FSTL4: variants seen among roughly 807,000 people sequenced by gnomAD.
The protein encoded by FSTL4 is follistatin-related protein 4.
FSTL4 carries 28 observed loss-of-function variants against 78.2 expected under a neutral mutation model. The observed-to-expected ratio is 0.36, with a 90% confidence interval of 0.27 to 0.49. FSTL4 has a LOEUF of 0.49. FSTL4 is among the 20% of genes least tolerant of loss of function. FSTL4 has a pLI of 0.98. For missense variants in FSTL4, 922 were observed against 1,084.9 expected, an observed-to-expected ratio of 0.85 and a Z score of 2.11; for synonymous variants, 422 against 440.5, an observed-to-expected ratio of 0.96 and a Z score of 0.53.
At chr5:133,806,672 G>T in the FSTL4 span, among the ~76,000 whole-genome samples, 1 of 152,226 alleles carries the variant, frequency 6.6e-6, no homozygotes, top group African/African-American at 2.4e-5. Context: ...TCGGCCCAGA[G>T]CTGAGCGGAT....
rs116007561 is a variant in FSTL4, at chr5:133,363,629, C to T, written c.409+37109G>A. Among the ~76,000 whole-genome samples, 438 of 152,278 alleles carry T rather than the reference C, an allele frequency of 2.9e-3. 1 individual carries two copies. The highest frequency in any genetic ancestry group is 7.8e-3 in the African/African-American group (322 of 41,548). On this transcript the variant is annotated intron_variant, in intron 4 of 15. Coordinates refer to ENST00000265342, the MANE Select transcript of FSTL4 (RefSeq NM_015082.2). ...CCTTAAAAATAACATTTAGCATCCA[C>T]GTGGGAGGCCAACAAGGCTGCTCCT...
chr5:133,776,945 T>G, the FSTL4 span, among the ~76,000 whole-genome samples: 1 of 152,144 alleles, frequency 6.6e-6, no homozygotes, highest in African/African-American at 2.4e-5. Flanking sequence ...TACCCCTTTG[T>G]GCCTAAATGA....
chr5:133,765,629 C>T, the FSTL4 span, among the ~76,000 whole-genome samples: 1 of 152,106 alleles, frequency 6.6e-6, no homozygotes, highest in African/African-American at 2.4e-5. Flanking sequence ...CTTGGGAAGG[C>T]CCTTGAATGG....
Position 133,437,439 on chromosome 5 carries a change from T to C in FSTL4, c.161-36453A>G, listed in dbSNP as rs181645931. Among the ~76,000 whole-genome samples the C allele has an allele frequency of 3.5e-3, 524 of 151,536 alleles. 2 individuals carry two copies. The highest frequency in any genetic ancestry group is 5.3e-3 in the Non-Finnish European group (359 of 67,888). On this transcript the variant is annotated intron_variant, in intron 3 of 15. Transcript: ENST00000265342. ...TTGAGCTTGAAGAAAGAATATTTAGTAGCCAACATTTAATGCAAACTGTAT... is the reference window on the plus strand; with the variant it reads ...TTGAGCTTGAAGAAAGAATATTTAGCAGCCAACATTTAATGCAAACTGTAT...
At chr5:133,464,670 G>A (rs543866555) in intron 3 of FSTL4, among the ~76,000 whole-genome samples, 25 of 152,342 alleles carry the variant, frequency 1.6e-4, no homozygotes, top group African/African-American at 6.0e-4. Flanking sequence ...GAAAGCTGCT[G>A]CAAGGAAGCC....
At chr5:133,551,576 G>T (rs1759691741) in intron 3 of FSTL4, among the ~76,000 whole-genome samples, 1 of 152,214 alleles carries the variant, frequency 6.6e-6, no homozygotes, top group Non-Finnish European at 1.5e-5. Flanking sequence ...CCGCTGAGAT[G>T]TCATCTCTCA....
the FSTL4 span, among the ~76,000 whole-genome samples, chr5:133,712,327 C>T: frequency 1.3e-5 from 2 of 152,238 alleles, no homozygotes; most frequent in African/African-American, 4.8e-5. Context: ...TATAAGTAGG[C>T]CTGTGGGGTT....
the FSTL4 span, among the ~76,000 whole-genome samples, chr5:133,826,795 C>G: frequency 2.6e-5 from 4 of 152,234 alleles, no homozygotes; most frequent in Non-Finnish European, 4.4e-5. Context: ...ATACCCCAAC[C>G]TAAGGGAATA....
At chr5:133,650,787 A>G in the FSTL4 span, among the ~76,000 whole-genome samples, 1 of 152,122 alleles carries the variant, frequency 6.6e-6, no homozygotes, top group Non-Finnish European at 1.5e-5. Context: ...GCCCCTCCAT[A>G]TAAACTTTGA....
At chr5:133,828,253 C>T in the FSTL4 span, among the ~76,000 whole-genome samples, 1 of 152,098 alleles carries the variant, frequency 6.6e-6, no homozygotes, top group African/African-American at 2.4e-5. Flanking sequence ...AGAGCAAGTG[C>T]GCTCTTGACA....
Position 133,603,944 on chromosome 5 carries a change from C to T in FSTL4, c.40G>A (p.Gly14Arg), listed in dbSNP as rs763456563. Reference sequence around the variant, plus strand: ...CCCAGCGCAGCCGGCAGGGAGGCTCCGAGCAGTGTGAGATGCAGCCAAAAG... The same window carrying T: ...CCCAGCGCAGCCGGCAGGGAGGCTCTGAGCAGTGTGAGATGCAGCCAAAAG... ...GGFWLHLTLL[G>R]ASLPAALGWM... Residue 14 changes from glycine to arginine, a missense_variant, in exon 2 of 16, where the codon GGA becomes AGA. Physicochemically the swap from Gly to Arg is moderately radical, Grantham distance 125. Transcript: ENST00000265342. 1.4e-5 allele frequency: 23 copies of T among 1,613,282 alleles called. No homozygotes were observed. Among genetic ancestry groups the T allele is most frequent in the Admixed American group, 1.2e-4 (7 of 60,002 alleles).
At chr5:133,780,542 T>C in the FSTL4 span, among the ~76,000 whole-genome samples, 1 of 152,206 alleles carries the variant, frequency 6.6e-6, no homozygotes, top group East Asian at 1.9e-4. Flanking sequence ...GGACCTGGCC[T>C]GGCTTATCTG....
At chr5:133,522,129 C>T (rs1156268365) in intron 3 of FSTL4, among the ~76,000 whole-genome samples, 1 of 152,084 alleles carries the variant, frequency 6.6e-6, no homozygotes, top group African/African-American at 2.4e-5. Flanking sequence ...AGAATTCTAC[C>T]AGGTGGGAGA....
chr5:133,743,521 A>C, the FSTL4 span, among the ~76,000 whole-genome samples: 1 of 152,194 alleles, frequency 6.6e-6, no homozygotes, highest in African/African-American at 2.4e-5. Flanking sequence ...TACCTGTACG[A>C]AAAGATTGAT....
chr5:133,679,656 C>A, the FSTL4 span, among the ~76,000 whole-genome samples: 1 of 152,162 alleles, frequency 6.6e-6, no homozygotes, highest in South Asian at 2.1e-4. Context: ...CTGACAGTGC[C>A]TGCAAACAGG....
chr5:133,792,412 T>C, the FSTL4 span, among the ~76,000 whole-genome samples: 4 of 152,228 alleles, frequency 2.6e-5, no homozygotes, highest in African/African-American at 9.6e-5. Context: ...GAATAATACA[T>C]ATGATCAAAA....
chr5:133,670,761 A>AG, the FSTL4 span, among the ~76,000 whole-genome samples: 36 of 152,364 alleles, frequency 2.4e-4, 1 homozygote, highest in African/African-American at 8.7e-4. Context: ...GTTAAGCATT[A>AG]GGCCAGGATG....
chr5:133,650,043 C>A, the FSTL4 span, among the ~76,000 whole-genome samples: 1 of 151,994 alleles, frequency 6.6e-6, no homozygotes, highest in East Asian at 1.9e-4. Context: ...ATGGTGAGGG[C>A]AAAGGGGAAC....
At chr5:133,808,445 CTCTTGTCA>C in the FSTL4 span, among the ~76,000 whole-genome samples, 258 of 152,332 alleles carry the variant, frequency 1.7e-3, no homozygotes, top group Non-Finnish European at 2.7e-3. Context: ...CCAGACATGA[CTCTTGTCA>C]TCTTGTCCTC....
Sources: allele counts gnomAD v4.1 joint callset (sites outside exome capture counted in the v4.1 genomes callset), GRCh38; gene constraint gnomAD v4.1.1; transcripts MANE v1.5; gene names NCBI Gene and HGNC (gene_info 2026-07-23, HGNC 2026-07-21).